AXIN1: variants seen among roughly 807,000 people sequenced by gnomAD.
AXIN1 encodes the protein axin 1, also known as axin-1.
In AXIN1, 30 loss-of-function variants were observed where a neutral mutation model predicts 76.4. That is an observed-to-expected ratio of 0.39 (90% CI 0.29 to 0.53). The LOEUF (loss-of-function observed/expected upper bound fraction) is 0.53. Ranked by LOEUF, AXIN1 falls within the 20% of genes least tolerant of loss-of-function variation. The probability of loss-of-function intolerance (pLI) is 0.66; values close to 1 mark genes in which losing one functional copy is unlikely to be tolerated. For synonymous variants in AXIN1, 545 were observed against 501.4 expected, an observed-to-expected ratio of 1.09 and a Z score of -1.16; for missense variants, 1,140 against 1,198.8, an observed-to-expected ratio of 0.95 and a Z score of 0.72.
intron 2 of AXIN1, among the ~76,000 whole-genome samples, chr16:320,850 C>T (rs1329637814): frequency 6.6e-6 from 1 of 151,450 alleles, no homozygotes; most frequent in African/African-American, 2.4e-5. Flanking sequence ...ATCGATTCTC[C>T]TGCCTCAGCC....
intron 9 of AXIN1, 80 bp downstream of exon 9, chr16:291,110 G>C: frequency 7.3e-7 from 1 of 1,361,164 alleles, no homozygotes; most frequent in Non-Finnish European, 1.0e-6. Flanking sequence ...GCCCCGGGAC[G>C]GCGGCTCTAC....
chr16:326,368 A>T (rs1404717947), intron 2 of AXIN1, among the ~76,000 whole-genome samples: 3 of 90,438 alleles, frequency 3.3e-5, no homozygotes, highest in South Asian at 3.2e-4. Flanking sequence ...AAAAAAAAAA[A>T]AAAAATATAT....
intron 2 of AXIN1, among the ~76,000 whole-genome samples, chr16:318,066 C>T (rs534588761): frequency 3.9e-5 from 6 of 152,340 alleles, no homozygotes; most frequent in South Asian, 2.1e-4. Context: ...CTGTAGCCCA[C>T]GGCACATGGC....
intron 2 of AXIN1, among the ~76,000 whole-genome samples, chr16:319,207 G>A (rs997772565): frequency 3.3e-5 from 5 of 152,224 alleles, no homozygotes; most frequent in African/African-American, 1.2e-4. Flanking sequence ...GTGTGGTGGC[G>A]CACACCTAGA....
chr16:310,722 G>T (rs1460657508), intron 3 of AXIN1, among the ~76,000 whole-genome samples: 1 of 152,224 alleles, frequency 6.6e-6, no homozygotes, highest in Non-Finnish European at 1.5e-5. Context: ...ATTTTTAAAG[G>T]GTGGGGGAAG....
rs1392155172 is a variant in AXIN1 at position 287,621 on chromosome 16, G to A, written c.*501C>T. 1 of 313,628 alleles carries A rather than the reference G, an allele frequency of 3.2e-6. No individual in the cohort carries two copies. The highest frequency in any genetic ancestry group is 2.1e-5 in the African/African-American group (1 of 47,832). The allele number at this position is 313,628 out of a possible 1,614,324, so 19.4% of individuals were successfully genotyped here. ...CCCAGGACTGCACAGCCGGCGGCTG[G>A]AGGCAGGTGCAGTGCTCCGTCGCCG... On this transcript the variant is annotated 3_prime_UTR_variant, in exon 11 of 11. Transcript: ENST00000262320.
chr16:315,832 GAAA>G (rs922939817), intron 2 of AXIN1, among the ~76,000 whole-genome samples: 1 of 72,668 alleles, frequency 1.4e-5, no homozygotes, highest in Non-Finnish European at 2.8e-5. Flanking sequence ...TGTCTCAAAA[GAAA>G]AAAAAAAAAA....
At chr16:348,929 T>C (rs2054087111) in intron 1 of AXIN1, among the ~76,000 whole-genome samples, 1 of 151,596 alleles carries the variant, frequency 6.6e-6, no homozygotes, top group South Asian at 2.1e-4. Flanking sequence ...AAACCCCATC[T>C]CTACTAAAAA....
intron 1 of AXIN1, among the ~76,000 whole-genome samples, chr16:350,877 A>G (rs962970887): frequency 6.6e-6 from 1 of 152,202 alleles, no homozygotes; most frequent in African/African-American, 2.4e-5. Flanking sequence ...CACGCCTGTA[A>G]TCCCAGCACT....
At chr16:324,875 G>C (rs2053544984) in intron 2 of AXIN1, among the ~76,000 whole-genome samples, 1 of 152,220 alleles carries the variant, frequency 6.6e-6, no homozygotes, top group South Asian at 2.1e-4. Flanking sequence ...GAAAGGCTCT[G>C]CCCAAGCCTT....
rs186854673 is a variant in AXIN1, at chr16:300,534, C to T, written c.1255-2283G>A. 1.1e-3 allele frequency among the ~76,000 whole-genome samples: 175 copies of T among 152,238 alleles called. 1 individual carries two copies. Among genetic ancestry groups the T allele is most frequent in the Admixed American group, 5.4e-3 (83 of 15,288 alleles). Reference sequence around the variant, plus strand: ...ATTTTAATATAAACAAACCTCCCAACGTTTAGCACCCAACTCTCACACCTG... The same window carrying T: ...ATTTTAATATAAACAAACCTCCCAATGTTTAGCACCCAACTCTCACACCTG... On this transcript the variant is annotated intron_variant, in intron 5 of 10. Coordinates refer to ENST00000262320, the MANE Select transcript of AXIN1 (RefSeq NM_003502.4).
intron 8 of AXIN1, 124 bp from the exon 9 acceptor site, chr16:291,421 G>A (rs761925627): frequency 4.3e-5 from 35 of 806,822 alleles, no homozygotes; most frequent in Non-Finnish European, 6.8e-5. Flanking sequence ...CCCACCCTGC[G>A]CAGGCTCCAG....
Position 293,353 on chromosome 16 carries a change from A to T in AXIN1, c.2186+135T>A. On this transcript the variant is annotated intron_variant, in intron 8 of 10. Coordinates refer to ENST00000262320, the MANE Select transcript of AXIN1 (RefSeq NM_003502.4). This position sits in a 1 kb window ranked among gnomAD's most constrained non-coding sequence, Gnocchi z 4.6. ...CCCCTCAGTGGTTCTCAGTGGATGG[A>T]AGGGCCCAGTATGGCTGGGGGACAC... is the stretch of plus-strand genomic sequence containing the variant. 1 of 873,988 alleles carries T rather than the reference A, an allele frequency of 1.1e-6. No homozygotes were observed. Among genetic ancestry groups the T allele is most frequent in the Non-Finnish European group, 1.8e-6 (1 of 567,794 alleles). 54.1% of individuals were successfully genotyped at this position (873,988 alleles called of 1,614,324 possible).
At chr16:339,357 A>AG (rs1436759857) in intron 2 of AXIN1, among the ~76,000 whole-genome samples, 3 of 151,384 alleles carry the variant, frequency 2.0e-5, no homozygotes, top group Non-Finnish European at 4.4e-5. Context: ...CAAAAAAAAA[A>AG]AAAATTAGCC....
intron 2 of AXIN1, among the ~76,000 whole-genome samples, chr16:328,614 T>C (rs1045463927): frequency 3.9e-5 from 6 of 152,008 alleles, no homozygotes; most frequent in Admixed American, 6.5e-5. Context: ...GAGAATCACC[T>C]GAACCCAGGA....
At position 342,101 on chromosome 16, in the gene AXIN1, A is replaced by G. The variant is rs117463825; in HGVS notation, c.878+4047T>C. Among the ~76,000 whole-genome samples the G allele has an allele frequency of 3.3e-3, 486 of 149,404 alleles. 15 individuals are homozygous for G. In the East Asian group the frequency reaches 0.083, roughly 25 times the overall value. On this transcript the variant is annotated intron_variant, in intron 2 of 10. Coordinates refer to ENST00000262320, the MANE Select transcript of AXIN1 (RefSeq NM_003502.4). ...GTAACTCGCTCGGGTCCCCTTCCATAGTGTGGAAGCTTTGTTCTTTCTCTC... is the reference window on the plus strand; with the variant it reads ...GTAACTCGCTCGGGTCCCCTTCCATGGTGTGGAAGCTTTGTTCTTTCTCTC...
At chr16:347,944 T>G (rs1403314657) in intron 1 of AXIN1, among the ~76,000 whole-genome samples, 2 of 152,160 alleles carry the variant, frequency 1.3e-5, no homozygotes, top group Non-Finnish European at 2.9e-5. Flanking sequence ...ACAGAGAAGG[T>G]ACAGAATAAA....
rs558392341 is a variant in AXIN1, at chr16:343,563, C to T, written c.878+2585G>A. ...CTAAAAATACAGAAAATTAGCTGGGCATGGTAGCTCACACTTGTAATCCCA... is the reference window on the plus strand; with the variant it reads ...CTAAAAATACAGAAAATTAGCTGGGTATGGTAGCTCACACTTGTAATCCCA... On this transcript the variant is annotated intron_variant, in intron 2 of 10. Transcript: ENST00000262320. 5.9e-5 allele frequency among the ~76,000 whole-genome samples: 9 copies of T among 152,050 alleles called. No individual in the cohort carries two copies. The South Asian group carries it at 1.9e-3, about 32-fold the overall frequency.
At chr16:304,019 G>C (rs1179610537) in intron 5 of AXIN1, among the ~76,000 whole-genome samples, 1 of 152,210 alleles carries the variant, frequency 6.6e-6, no homozygotes, top group African/African-American at 2.4e-5. Context: ...ACCCACAAAG[G>C]ATCAGGTACA....
Sources: allele counts gnomAD v4.1 joint callset (sites outside exome capture counted in the v4.1 genomes callset), GRCh38; gene constraint gnomAD v4.1.1; non-coding constraint Gnocchi (gnomAD v3.1); transcripts MANE v1.5; gene names NCBI Gene and HGNC (gene_info 2026-07-23, HGNC 2026-07-21).